The following FGF13 variants were observed in gnomAD, a reference collection of about 807,000 sequenced individuals.
FGF13 encodes fibroblast growth factor 13.
Under a neutral mutation model 19.5 loss-of-function variants are expected in FGF13, and 2 were observed. The observed-to-expected ratio is 0.10, with a 90% confidence interval of 0.04 to 0.32. FGF13 has a LOEUF of 0.32. Ranked by LOEUF, FGF13 falls within the 10% of genes least tolerant of loss-of-function variation. The pLI is 1.00. For missense variants in FGF13, 113 were observed against 192.7 expected, an observed-to-expected ratio of 0.59 and a Z score of 2.45; for synonymous variants, 72 against 76.9, an observed-to-expected ratio of 0.94 and a Z score of 0.33.
intron 1 of FGF13, among the ~76,000 whole-genome samples, chrX:138,980,380 T>C (rs112542198): frequency 0.015 from 1,625 of 111,973 alleles, 32 homozygotes; most frequent in African/African-American, 0.05. Context: ...CCTTTCAAAT[T>C]CTTAAGTAGA....
Position 139,112,774 on chromosome X carries a change from G to A in FGF13, c.-113+90642C>T, listed in dbSNP as rs1428255103. 2.7e-5 allele frequency among the ~76,000 whole-genome samples: 3 copies of A among 112,035 alleles called. No homozygotes were observed. In the East Asian group the frequency reaches 8.5e-4, roughly 32 times the overall value. On this transcript the variant is annotated intron_variant, in intron 1 of 2. Coordinates refer to the FGF13 transcript ENST00000421460. ...GTATACACAGTACCGGCTAATGTCT[G>A]GCCCATAGGGAGCACCAGATAAATG... is the stretch of plus-strand genomic sequence containing the variant.
intron 3 of FGF13, among the ~76,000 whole-genome samples, chrX:138,638,496 CTCTA>C (rs1444423591): frequency 2.7e-5 from 3 of 111,765 alleles, no homozygotes; most frequent in Non-Finnish European, 5.6e-5. Context: ...CTCCCATAAA[CTCTA>C]TCTACATCTC....
intron 1 of FGF13, among the ~76,000 whole-genome samples, chrX:139,034,067 A>C (rs17001957): frequency 0.16 from 18,024 of 111,136 alleles, 1,297 homozygotes; most frequent in African/African-American, 0.28. Context: ...TTGACATATT[A>C]CAAGTGCCTT....
At chrX:139,154,462 T>G (rs920493814) in intron 1 of FGF13, among the ~76,000 whole-genome samples, 3 of 111,882 alleles carry the variant, frequency 2.7e-5, no homozygotes, top group African/African-American at 9.7e-5. Context: ...GATAAATACA[T>G]AACATAACCA....
downstream of FGF13, among the ~76,000 whole-genome samples, chrX:138,857,093 G>A (rs2091262298): frequency 8.9e-6 from 1 of 111,839 alleles, no homozygotes; most frequent in African/African-American, 3.3e-5. Flanking sequence ...AAGCTTTATG[G>A]AGTGAAGGAG....
At chrX:138,718,754 A>G (rs2090127696) in intron 1 of FGF13, among the ~76,000 whole-genome samples, 1 of 111,632 alleles carries the variant, frequency 9.0e-6, no homozygotes, top group South Asian at 3.8e-4. Context: ...AGGAGATGAA[A>G]GACAGGTTGA....
chrX:139,012,802 C>T (rs1367077876), intron 1 of FGF13, among the ~76,000 whole-genome samples: 1 of 111,917 alleles, frequency 8.9e-6, no homozygotes, highest in African/African-American at 3.3e-5. Context: ...GATTTCATGA[C>T]CAAGAATGCA....
chrX:139,018,670 T>C (rs886205950), intron 1 of FGF13, among the ~76,000 whole-genome samples: 8 of 111,250 alleles, frequency 7.2e-5, no homozygotes, highest in African/African-American at 1.3e-4. Flanking sequence ...AGAGTTTCAT[T>C]GGGCTACAAA....
rs188126339 is a variant in FGF13 at position 139,162,377 on chromosome X, C to T, written c.-113+41039G>A. ...AAACTGAAACTGGACCCCTTCCTTA[C>T]ATCTTATACAAAAATTAACTCAAGA... On this transcript the variant is annotated intron_variant, in intron 1 of 2. Transcript: ENST00000421460. 3.4e-4 allele frequency among the ~76,000 whole-genome samples: 38 copies of T among 112,268 alleles called. No individual in the cohort carries two copies. In the East Asian group the frequency reaches 3.9e-3, roughly 11 times the overall value.
chrX:138,650,858 C>A (rs2089363342), intron 3 of FGF13, among the ~76,000 whole-genome samples: 1 of 111,647 alleles, frequency 9.0e-6, no homozygotes, highest in Non-Finnish European at 1.9e-5. Flanking sequence ...GAATTCATTC[C>A]TCTTATCTAG....
intron 1 of FGF13, among the ~76,000 whole-genome samples, chrX:138,979,656 A>G (rs1278096626): frequency 9.0e-6 from 1 of 110,814 alleles, no homozygotes. Context: ...CCTCTGGGGT[A>G]CCAAACAACA....
At chrX:138,915,189 T>G (rs1017196072) in intron 1 of FGF13, among the ~76,000 whole-genome samples, 1 of 111,425 alleles carries the variant, frequency 9.0e-6, no homozygotes, top group African/African-American at 3.3e-5. Flanking sequence ...TTATATTGGC[T>G]TAAATAAATT....
At chrX:138,761,336 C>G (rs1249864151) in intron 3 of FGF13, among the ~76,000 whole-genome samples, 1 of 111,400 alleles carries the variant, frequency 9.0e-6, no homozygotes, top group Admixed American at 9.6e-5. Flanking sequence ...ATTTTTTACT[C>G]TCATTACTAT....
At chrX:138,871,073 T>G (rs769326354) in intron 1 of FGF13, among the ~76,000 whole-genome samples, 1 of 112,167 alleles carries the variant, frequency 8.9e-6, no homozygotes, top group Non-Finnish European at 1.9e-5. Context: ...TGGTAATATG[T>G]TATGGCAGCA....
intron 3 of FGF13, among the ~76,000 whole-genome samples, chrX:138,655,910 C>A (rs1352574611): frequency 1.8e-5 from 2 of 111,302 alleles, no homozygotes; most frequent in Non-Finnish European, 3.8e-5. Context: ...GGGGACTTCT[C>A]TGTAGGAATA....
At chrX:138,703,320 T>C (rs1278204713) in intron 2 of FGF13, among the ~76,000 whole-genome samples, 1 of 111,930 alleles carries the variant, frequency 8.9e-6, no homozygotes, top group Non-Finnish European at 1.9e-5. Flanking sequence ...TTTAATTTCA[T>C]GGTTGCAGCC....
At chrX:139,172,877 T>C (rs2084145028) in intron 1 of FGF13, among the ~76,000 whole-genome samples, 1 of 111,487 alleles carries the variant, frequency 9.0e-6, no homozygotes, top group African/African-American at 3.3e-5. Context: ...TTTCCAGATT[T>C]ATATTAGACA....
At chrX:138,767,510 T>G (rs1337102122) in intron 3 of FGF13, among the ~76,000 whole-genome samples, 3 of 111,829 alleles carry the variant, frequency 2.7e-5, no homozygotes, top group African/African-American at 9.8e-5. Flanking sequence ...AGTCTGGTTC[T>G]GATATCATCA....
intron 3 of FGF13, among the ~76,000 whole-genome samples, chrX:138,840,200 G>A (rs1407215066): frequency 8.9e-6 from 1 of 111,839 alleles, no homozygotes; most frequent in Non-Finnish European, 1.9e-5. Flanking sequence ...TAAACTACTG[G>A]AATTTGGAAT....
Sources: gnomAD v4.1 joint callset for allele counts (sites outside exome capture counted in the v4.1 genomes callset) on GRCh38, gnomAD v4.1.1 for gene constraint, MANE v1.5 for transcripts, NCBI Gene and HGNC (gene_info 2026-07-23, HGNC 2026-07-21) for gene names.